Variants in THSD7B observed in about 807,000 individuals in gnomAD.
THSD7B encodes the protein thrombospondin type-1 domain-containing protein 7B.
In THSD7B, 138 loss-of-function variants were observed where a neutral mutation model predicts 213.6. The ratio of observed to expected loss-of-function variants is 0.65; its 90% CI spans 0.56 to 0.74. The LOEUF (loss-of-function observed/expected upper bound fraction) is 0.74, where lower values mean the gene tolerates loss of function less well. THSD7B is among the 30% of genes least tolerant of loss of function. The pLI, the probability that THSD7B is intolerant of heterozygous loss-of-function variation, is 0.00. For missense variants in THSD7B, 1,931 were observed against 1,991.5 expected, an observed-to-expected ratio of 0.97 and a Z score of 0.58; for synonymous variants, 742 against 687.0, an observed-to-expected ratio of 1.08 and a Z score of -1.25.
chr2:136,992,701 G>A (rs1685810550), intron 2 of THSD7B, among the ~76,000 whole-genome samples: 2 of 152,068 alleles, frequency 1.3e-5, no homozygotes, highest in African/African-American at 2.4e-5. Flanking sequence ...CTGTCCCTGG[G>A]GGTGTTAACA....
chr2:137,236,680 G>A (rs1681770157), intron 9 of THSD7B, among the ~76,000 whole-genome samples: 1 of 152,156 alleles, frequency 6.6e-6, no homozygotes, highest in Non-Finnish European at 1.5e-5. Flanking sequence ...ACATTTAAAA[G>A]CTTGGCAGGT....
chr2:137,509,170 A>G (rs894243293), intron 15 of THSD7B, among the ~76,000 whole-genome samples: 1 of 152,180 alleles, frequency 6.6e-6, no homozygotes, highest in Non-Finnish European at 1.5e-5. Context: ...CACCAAATAT[A>G]TTTGTCCTGC....
intron 15 of THSD7B, among the ~76,000 whole-genome samples, chr2:137,523,227 T>C (rs1002607437): frequency 1.3e-5 from 2 of 152,214 alleles, no homozygotes; most frequent in Non-Finnish European, 2.9e-5. Flanking sequence ...TTTTGCCACA[T>C]CAATTTTATT....
At chr2:136,803,215 A>G (rs570233100) in intron 1 of THSD7B, among the ~76,000 whole-genome samples, 1 of 152,222 alleles carries the variant, frequency 6.6e-6, no homozygotes, top group African/African-American at 2.4e-5. Context: ...AATTTTCAAT[A>G]AGCAAACAGA....
At chr2:137,557,549 G>C (rs1273197173) in intron 15 of THSD7B, among the ~76,000 whole-genome samples, 1 of 151,776 alleles carries the variant, frequency 6.6e-6, no homozygotes, top group African/African-American at 2.4e-5. Context: ...AGAATCTCTG[G>C]GACACATTTA....
intron 1 of THSD7B, among the ~76,000 whole-genome samples, chr2:136,804,706 C>T (rs1682253227): frequency 1.3e-5 from 2 of 152,118 alleles, no homozygotes; most frequent in African/African-American, 2.4e-5. Context: ...TAACCTGGAC[C>T]TCCTCAGATA....
At chr2:137,184,610 A>G (rs989573504) in intron 7 of THSD7B, among the ~76,000 whole-genome samples, 1 of 152,186 alleles carries the variant, frequency 6.6e-6, no homozygotes. Flanking sequence ...AAAATTCCAC[A>G]TGTACATATC....
In THSD7B at chr2:136,948,922, A is replaced by G. The variant is rs187578762; in HGVS notation, c.139+66605A>G. On this transcript the variant is annotated intron_variant, in intron 2 of 27. Coordinates refer to ENST00000409968, the MANE Select transcript of THSD7B (RefSeq NM_001316349.2). ...GTAATAATAATAATAATAGAGATAT[A>G]TCTTAGAATTCACTGAGTCTGTTGA... Among the ~76,000 whole-genome samples the G allele has an allele frequency of 1.2e-3, 180 of 152,274 alleles. 2 individuals carry two copies. The highest frequency in any genetic ancestry group is 3.4e-3 in the Middle Eastern group (1 of 294).
rs553188910 is a variant in THSD7B, at chr2:137,036,006, G to A, written c.140-20414G>A. On this transcript the variant is annotated intron_variant, in intron 2 of 27. Transcript: ENST00000409968. ...CCTACCACATCAGCAGTACTGTAAA[G>A]TACATAAAATGTGCTTTCATATATT... 1.2e-4 allele frequency among the ~76,000 whole-genome samples: 19 copies of A among 152,214 alleles called. No individual in the cohort carries two copies. The South Asian group carries it at 2.5e-3, about 20-fold the overall frequency.
chr2:137,584,980 A>G (rs1003291231), intron 17 of THSD7B, among the ~76,000 whole-genome samples: 1 of 151,096 alleles, frequency 6.6e-6, no homozygotes, highest in African/African-American at 2.4e-5. Flanking sequence ...CTTTTTTTTT[A>G]TTTGGTAGGC....
intron 2 of THSD7B, among the ~76,000 whole-genome samples, chr2:136,922,634 T>C (rs1409968473): frequency 6.6e-6 from 1 of 152,226 alleles, no homozygotes; most frequent in Non-Finnish European, 1.5e-5. Context: ...TTGTACTTGA[T>C]TGATGAACTC....
chr2:137,516,889 C>A (rs749819781), intron 15 of THSD7B, among the ~76,000 whole-genome samples: 2 of 152,328 alleles, frequency 1.3e-5, no homozygotes, highest in Middle Eastern at 3.4e-3. Context: ...CCATCAAGGA[C>A]TTGAAAGATG....
chr2:136,946,068 C>G (rs1415929975), intron 2 of THSD7B, among the ~76,000 whole-genome samples: 6 of 152,166 alleles, frequency 3.9e-5, no homozygotes, highest in African/African-American at 1.4e-4. Context: ...TTCAGCTTTT[C>G]TGCTCTGGTT....
At chr2:137,472,474 CTA>C (rs1294722887) in intron 15 of THSD7B, among the ~76,000 whole-genome samples, 2 of 152,066 alleles carry the variant, frequency 1.3e-5, no homozygotes, top group African/African-American at 4.8e-5. Flanking sequence ...TGAAAAATAA[CTA>C]TGTATTTCAA....
intron 3 of THSD7B, among the ~76,000 whole-genome samples, chr2:137,068,293 C>A (rs1386993692): frequency 6.6e-6 from 1 of 152,082 alleles, no homozygotes; most frequent in Non-Finnish European, 1.5e-5. Context: ...TGAACCAAAG[C>A]ATTTTTCTTT....
At chr2:136,832,009 C>T (rs1682765669) in intron 1 of THSD7B, among the ~76,000 whole-genome samples, 1 of 152,122 alleles carries the variant, frequency 6.6e-6, no homozygotes, top group South Asian at 2.1e-4. Flanking sequence ...AAATGTTTTG[C>T]TTCCTCAACT....
intron 7 of THSD7B, among the ~76,000 whole-genome samples, chr2:137,188,082 C>T (rs768724925): frequency 1.2e-4 from 19 of 152,092 alleles, no homozygotes; most frequent in Non-Finnish European, 2.2e-4. Flanking sequence ...GGTAGGTACT[C>T]GATATTTAAA....
intron 24 of THSD7B, 55 bp from the exon 25 acceptor site, chr2:137,659,609 A>T (rs1683304133): frequency 6.7e-7 from 1 of 1,493,140 alleles, no homozygotes; most frequent in African/African-American, 1.4e-5. Flanking sequence ...AATACCAAAA[A>T]ATTAGAAATA....
At chr2:137,328,566 C>T (rs1684423851) in intron 12 of THSD7B, among the ~76,000 whole-genome samples, 1 of 152,128 alleles carries the variant, frequency 6.6e-6, no homozygotes, top group Non-Finnish European at 1.5e-5. Flanking sequence ...TGAAAATGGA[C>T]ATCAGCAGAC....
Sources: gnomAD v4.1 joint callset for allele counts (sites outside exome capture counted in the v4.1 genomes callset) on GRCh38, gnomAD v4.1.1 for gene constraint, MANE v1.5 for transcripts, NCBI Gene and HGNC (gene_info 2026-07-23, HGNC 2026-07-21) for gene names.